Variants in DDX23 observed in about 807,000 individuals in gnomAD.
The protein encoded by DDX23 is DEAD-box helicase 23, also known as probable ATP-dependent RNA helicase DDX23.
DDX23 carries 33 observed loss-of-function variants against 102.7 expected under a neutral mutation model. That is an observed-to-expected ratio of 0.32 (90% CI 0.24 to 0.43). DDX23 has a LOEUF of 0.43. Ranked by LOEUF, DDX23 falls within the 20% of genes least tolerant of loss-of-function variation. The probability of loss-of-function intolerance (pLI) is 1.00; values close to 1 mark genes in which losing one functional copy is unlikely to be tolerated. For missense variants in DDX23, 549 were observed against 1,086.6 expected (o/e 0.51, Z 6.96); for synonymous variants, 352 against 376.0 (o/e 0.94, Z 0.74).
At chr12:48,831,884 G>A in intron 15 of DDX23, 194 bp downstream of exon 15, 1 of 599,168 alleles carries the variant, frequency 1.7e-6, no homozygotes, top group African/African-American at 1.9e-5. Context: ...CATTACTGCA[G>A]CAGACAGGGG....
At chr12:48,845,892 T>C (rs1938659350) in intron 1 of DDX23, 110 bp from the exon 2 acceptor site, 2 of 1,198,130 alleles carry the variant, frequency 1.7e-6, no homozygotes, top group South Asian at 1.4e-5. Context: ...TATTAGTATG[T>C]CTACCGTACA....
At chr12:48,849,593 G>A (rs779437397) in intron 1 of DDX23, among the ~76,000 whole-genome samples, 4 of 151,986 alleles carry the variant, frequency 2.6e-5, no homozygotes, top group Admixed American at 6.6e-5. Context: ...CAGGAGGTGC[G>A]GGTTGTTGTG....
Position 48,830,040 on chromosome 12 carries a change from T to C in DDX23, c.*429A>G. On this transcript the variant is annotated 3_prime_UTR_variant, in exon 17 of 17. Transcript: ENST00000308025. This position sits in a 1 kb window ranked among gnomAD's most constrained non-coding sequence, Gnocchi z 4.9. ...ATTCCACTGTCTGTAATCCTCATGG[T>C]GCCAGGTCTCCTGGGGCATCTAGGG... The C allele has an allele frequency of 2.7e-6, 1 of 366,818 alleles. No individual in the cohort carries two copies. Among genetic ancestry groups the C allele is most frequent in the East Asian group, 7.2e-5 (1 of 13,814 alleles). The allele number at this position is 366,818 out of a possible 1,614,324, so 22.7% of individuals were successfully genotyped here. A position where few individuals can be genotyped will look rare whatever the true frequency, so the allele number is the denominator to read the frequency against.
In DDX23 at chr12:48,830,290, T is replaced by A; in HGVS notation, c.*179A>T. The A allele has an allele frequency of 1.3e-6, 1 of 779,188 alleles. No homozygotes were observed. The highest frequency in any genetic ancestry group is 1.5e-5 in the South Asian group (1 of 68,234). 48.3% of individuals were successfully genotyped at this position (779,188 alleles called of 1,614,324 possible). A position where few individuals can be genotyped will look rare whatever the true frequency, so the allele number is the denominator to read the frequency against. On this transcript the variant is annotated 3_prime_UTR_variant, in exon 17 of 17. Coordinates refer to ENST00000308025, the MANE Select transcript of DDX23 (RefSeq NM_004818.3). This position sits in a 1 kb window ranked among gnomAD's most constrained non-coding sequence, Gnocchi z 4.9. Reference sequence around the variant, plus strand: ...CCCTGCCTCCGACAGCGTCGTCCTCTCCTTTTGCAGCCCCACACGCAGGCC... The same window carrying A: ...CCCTGCCTCCGACAGCGTCGTCCTCACCTTTTGCAGCCCCACACGCAGGCC...
Position 48,831,323 on chromosome 12 carries a change from G to A in DDX23, c.2065-7C>T, listed in dbSNP as rs1938383093. The A allele has an allele frequency of 6.2e-7, 1 of 1,614,032 alleles. No individual in the cohort carries two copies. Among genetic ancestry groups the A allele is most frequent in the South Asian group, 1.1e-5 (1 of 91,076 alleles). ...GCAGTGTGCAAGCATTGTACTGTTG[G>A]AAGAATGGTGAAGTGAAGAGTGAGC... is the stretch of plus-strand genomic sequence containing the variant. On this transcript the variant is annotated splice_region_variant and splice_polypyrimidine_tract_variant and intron_variant, in intron 15 of 16. Transcript: ENST00000308025.
At chr12:48,834,561 G>C in intron 11 of DDX23, 64 bp from the exon 12 acceptor site, 1 of 1,497,842 alleles carries the variant, frequency 6.7e-7, no homozygotes, top group Non-Finnish European at 9.1e-7. Flanking sequence ...ACAAGCCAGA[G>C]CAAGACAAAG....
chr12:48,836,803 G>A lies in DDX23; in HGVS notation c.1011-9C>T, dbSNP rs1278175375. The A allele has an allele frequency of 1.2e-6, 2 of 1,613,680 alleles. No individual in the cohort carries two copies. The highest frequency in any genetic ancestry group is 1.1e-5 in the South Asian group (1 of 91,066). ...GTTTGCGGAGTCTTGCCCTGGAGCA[G>A]GGTGTGAGGAGTAAGTAGAATCAGT... On this transcript the variant is annotated splice_polypyrimidine_tract_variant and intron_variant, in intron 9 of 16. Transcript: ENST00000308025. The surrounding 1 kb of genome is among the most constrained non-coding windows in gnomAD (Gnocchi z 6.1).
rs192731835 is a variant in DDX23 at position 48,845,838 on chromosome 12, A to T, written c.1-56T>A. 3 of 1,559,160 alleles carry T rather than the reference A, an allele frequency of 1.9e-6. No individual in the cohort carries two copies. The Admixed American group carries it at 5.5e-5, about 28-fold the overall frequency. ...TACTAGGCACTGCTCTAAACTGCTT[A>T]TATATAATTCAATTACCCTCAAAAC... On this transcript the variant is annotated intron_variant, in intron 1 of 16. Coordinates refer to ENST00000308025, the MANE Select transcript of DDX23 (RefSeq NM_004818.3).
At chr12:48,843,498 G>A (rs1938606334) in intron 3 of DDX23, among the ~76,000 whole-genome samples, 1 of 149,066 alleles carries the variant, frequency 6.7e-6, no homozygotes, top group Admixed American at 6.7e-5. Context: ...AGAGAGCTCT[G>A]TAATAACTAC....
intron 1 of DDX23, among the ~76,000 whole-genome samples, chr12:48,850,105 T>A (rs949931389): frequency 6.6e-6 from 1 of 152,190 alleles, no homozygotes; most frequent in African/African-American, 2.4e-5. Context: ...AGAAAATATA[T>A]AGCAGAGAGA....
At position 48,836,842 on chromosome 12, in the gene DDX23, T is replaced by G. The variant is rs761535345; in HGVS notation, c.1011-48A>C. 5.6e-6 allele frequency: 9 copies of G among 1,613,222 alleles called. No individual in the cohort carries two copies. The Admixed American group carries it at 8.3e-5, about 15-fold the overall frequency. ...AGTAGAATCAGTGCCCTCCAACTCC[T>G]TTCTGTAGAGCCTCTGGGCTCTGTC... On this transcript the variant is annotated intron_variant, in intron 9 of 16. Transcript: ENST00000308025. The surrounding 1 kb of genome is among the most constrained non-coding windows in gnomAD (Gnocchi z 6.1).
At position 48,836,490 on chromosome 12, in the gene DDX23, A is replaced by T; in HGVS notation, c.1236+79T>A. 1 of 1,441,006 alleles carries T rather than the reference A, an allele frequency of 6.9e-7. No individual in the cohort carries two copies. Among genetic ancestry groups the T allele is most frequent in the Non-Finnish European group, 9.6e-7 (1 of 1,038,546 alleles). 89.3% of individuals were successfully genotyped at this position (1,441,006 alleles called of 1,614,324 possible). ...CCCACTAGCAGCGATGGCTCCAAAT[A>T]GTCAAGGAACAAAGTTCTCTATTCC... On this transcript the variant is annotated intron_variant, in intron 10 of 16. Transcript: ENST00000308025. This position sits in a 1 kb window ranked among gnomAD's most constrained non-coding sequence, Gnocchi z 6.1.
chr12:48,847,599 G>A (rs889177923), intron 1 of DDX23, among the ~76,000 whole-genome samples: 1 of 152,018 alleles, frequency 6.6e-6, no homozygotes, highest in Non-Finnish European at 1.5e-5. Context: ...GGAGGCTGAG[G>A]TGGGTGGATC....
At chr12:48,833,635 C>G (rs370710890) in intron 12 of DDX23, 116 bp from the exon 13 acceptor site, 2 of 1,326,756 alleles carry the variant, frequency 1.5e-6, no homozygotes, top group African/African-American at 1.5e-5. Context: ...TGGACCCCAA[C>G]CTCTGGTTAT....
chr12:48,835,860 C>T (rs770866903), intron 11 of DDX23, among the ~76,000 whole-genome samples: 26 of 152,174 alleles, frequency 1.7e-4, no homozygotes, highest in Non-Finnish European at 3.1e-4. Flanking sequence ...CACTGCACTC[C>T]AGCCTGGGTG....
At chr12:48,842,509 C>T (rs1284364010) in intron 3 of DDX23, among the ~76,000 whole-genome samples, 1 of 138,388 alleles carries the variant, frequency 7.2e-6, no homozygotes, top group Non-Finnish European at 1.6e-5. Context: ...GGGGGGTCAG[C>T]CCCCCGCCCG....
chr12:48,845,180 G>A (rs1292379894), intron 2 of DDX23, among the ~76,000 whole-genome samples: 7 of 149,574 alleles, frequency 4.7e-5, no homozygotes, highest in African/African-American at 9.8e-5. Context: ...AAGGCCAGGC[G>A]CGGTGGCTCA....
Position 48,845,799 on chromosome 12 carries a change from G to T in DDX23, c.1-17C>A. 6.2e-7 allele frequency: 1 copy of T among 1,612,592 alleles called. No individual in the cohort carries two copies. The highest frequency in any genetic ancestry group is 8.5e-7 in the Non-Finnish European group (1 of 1,179,088). On this transcript the variant is annotated splice_polypyrimidine_tract_variant and intron_variant, in intron 1 of 16. Coordinates refer to ENST00000308025, the MANE Select transcript of DDX23 (RefSeq NM_004818.3). ...TCCTGCCATCTGTAATGAGTAGGAA[G>T]AGTACTTACAATGTACTAGGCACTG...
chr12:48,832,353 T>C lies in DDX23; in HGVS notation c.1955+69A>G. 1 of 1,587,056 alleles carries C rather than the reference T, an allele frequency of 6.3e-7. No homozygotes were observed. The highest frequency in any genetic ancestry group is 8.6e-7 in the Non-Finnish European group (1 of 1,162,064). On this transcript the variant is annotated intron_variant, in intron 14 of 16. Coordinates refer to ENST00000308025, the MANE Select transcript of DDX23 (RefSeq NM_004818.3). This position sits in a 1 kb window ranked among gnomAD's most constrained non-coding sequence, Gnocchi z 4.4. ...CAGAGCAATTGCCCTGCCCTGCACC[T>C]GCACTAAAAAAGTTCTCAGAGCCAT...
Sources: gnomAD v4.1 joint callset for allele counts (sites outside exome capture counted in the v4.1 genomes callset) on GRCh38, gnomAD v4.1.1 for gene constraint, Gnocchi (gnomAD v3.1) non-coding constraint, MANE v1.5 for transcripts, NCBI Gene and HGNC (gene_info 2026-07-23, HGNC 2026-07-21) for gene names.